DMD: variants seen among roughly 807,000 people sequenced by gnomAD.
The protein encoded by DMD is mutant dystrophin.
In DMD, 63 loss-of-function variants were observed where a neutral mutation model predicts 330.1. The observed-to-expected ratio is 0.19, with a 90% confidence interval of 0.16 to 0.24. The LOEUF is 0.24. Ranked by LOEUF, DMD falls within the 10% of genes least tolerant of loss-of-function variation. The pLI, the probability that DMD is intolerant of heterozygous loss-of-function variation, is 1.00. For synonymous variants in DMD, 1,223 were observed against 959.8 expected, an observed-to-expected ratio of 1.27 and a Z score of -5.07; for missense variants, 3,344 against 2,684.1, an observed-to-expected ratio of 1.25 and a Z score of -5.43.
chrX:32,147,568 A>G (rs2096783725), intron 44 of DMD, among the ~76,000 whole-genome samples: 1 of 111,982 alleles, frequency 8.9e-6, no homozygotes, highest in African/African-American at 3.2e-5. Flanking sequence ...TAGAAAAAAT[A>G]TGAAATCAAA....
intron 52 of DMD, among the ~76,000 whole-genome samples, chrX:31,688,643 A>G (rs1198365800): frequency 3.6e-5 from 4 of 111,741 alleles, no homozygotes; most frequent in South Asian, 3.8e-4. Flanking sequence ...TCCTGATACC[A>G]AAGCCTGGCA....
At chrX:33,180,632 T>C (rs1012372841) in intron 1 of DMD, among the ~76,000 whole-genome samples, 2 of 111,520 alleles carry the variant, frequency 1.8e-5, no homozygotes, top group African/African-American at 6.5e-5. Context: ...GGAGTGGGTG[T>C]CTGATGGAAC....
intron 13 of DMD, among the ~76,000 whole-genome samples, chrX:32,575,191 C>T (rs139635477): frequency 0.05 from 5,615 of 111,513 alleles, 154 homozygotes; most frequent in Middle Eastern, 0.11. Flanking sequence ...AGCCACTGCA[C>T]CTGGCCCTAA....
chrX:31,439,122 T>C (rs1484619072), intron 60 of DMD, among the ~76,000 whole-genome samples: 2 of 111,943 alleles, frequency 1.8e-5, no homozygotes, highest in Admixed American at 9.5e-5. Context: ...TAATAATGGG[T>C]ACTGCTTTTG....
chrX:31,997,156 C>T (rs1380440822), intron 44 of DMD, among the ~76,000 whole-genome samples: 4 of 111,795 alleles, frequency 3.6e-5, no homozygotes, highest in Admixed American at 9.5e-5. Context: ...ACAAGCCACT[C>T]TGTATACTGC....
At chrX:32,407,890 G>A (rs1298362063) in intron 30 of DMD, among the ~76,000 whole-genome samples, 6 of 100,822 alleles carry the variant, frequency 6.0e-5, no homozygotes, top group East Asian at 6.5e-4. Context: ...ACCAAACACC[G>A]CATGTTCTCA....
Position 32,448,470 on chromosome X carries a change from A to G in DMD, c.3772T>C (p.Cys1258Arg). Residue 1258 changes from cysteine (C) to arginine (R), a missense_variant, in exon 27 of 79, where the codon TGC (cysteine) becomes CGC (arginine). Coordinates refer to ENST00000357033, the MANE Select transcript of DMD (RefSeq NM_004006.3). ...AAGCAACTGACTTCCAAAGTCTTGC[A>G]TTTCCCATTCAGCCTAGTGCAGAGC... is the stretch of plus-strand genomic sequence containing the variant. ...QWLCTRLNGK[C>R]KTLEEVWACW... 1 of 1,208,441 alleles carries G rather than the reference A, an allele frequency of 8.3e-7. No individual in the cohort carries two copies.
At chrX:33,112,702 G>T (rs576329728) in intron 1 of DMD, among the ~76,000 whole-genome samples, 10 of 111,147 alleles carry the variant, frequency 9.0e-5, no homozygotes, top group African/African-American at 3.3e-4. Context: ...TACTAAAATT[G>T]TGGCTCTTCC....
intron 25 of DMD, among the ~76,000 whole-genome samples, chrX:32,460,991 G>C (rs1442377297): frequency 9.0e-6 from 1 of 111,399 alleles, no homozygotes; most frequent in East Asian, 2.8e-4. Flanking sequence ...CTAGAATCTA[G>C]ATTTTTAAAC....
At chrX:31,949,117 G>A (rs1309496387) in intron 45 of DMD, among the ~76,000 whole-genome samples, 1 of 110,767 alleles carries the variant, frequency 9.0e-6, no homozygotes, top group Non-Finnish European at 1.9e-5. Flanking sequence ...TGGTACATTT[G>A]AATTGCTATA....
intron 9 of DMD, among the ~76,000 whole-genome samples, chrX:32,668,246 A>G (rs2061433261): frequency 8.9e-6 from 1 of 112,139 alleles, no homozygotes; most frequent in African/African-American, 3.2e-5. Flanking sequence ...TGCTTATCAA[A>G]TCTTGTTATA....
intron 44 of DMD, among the ~76,000 whole-genome samples, chrX:32,199,576 G>A (rs997218267): frequency 1.1e-5 from 1 of 87,778 alleles, no homozygotes; most frequent in African/African-American, 4.1e-5. Flanking sequence ...GAAGGAGGAG[G>A]GGTGTGAGCA....
At chrX:32,827,066 C>G (rs1448100541) in intron 4 of DMD, among the ~76,000 whole-genome samples, 1 of 30,081 alleles carries the variant, frequency 3.3e-5, no homozygotes, top group Non-Finnish European at 6.4e-5. Flanking sequence ...ACCCCCCCCC[C>G]ACACACACAC....
rs761556534 is a variant in DMD at position 33,333,713 on chromosome X, G to GA, written c.7+5545dup. On this transcript the variant is annotated intron_variant, in intron 1 of 17. Transcript: ENST00000288447. ...TTGATTATAGTTTCTCCTATGACAT[G>GA]AAAAAAAATCCCTTCTCATATCCCT... Among the ~76,000 whole-genome samples, 8 of 110,348 alleles carry GA rather than the reference G, an allele frequency of 7.2e-5. No individual in the cohort carries two copies. The East Asian group carries it at 2.3e-3, about 31-fold the overall frequency.
At chrX:32,722,659 T>C (rs979824249) in intron 7 of DMD, among the ~76,000 whole-genome samples, 1 of 111,393 alleles carries the variant, frequency 9.0e-6, no homozygotes, top group Non-Finnish European at 1.9e-5. Flanking sequence ...GTTGTACGTA[T>C]TTTTCACTTT....
chrX:32,823,541 T>C (rs1289818223), intron 4 of DMD, among the ~76,000 whole-genome samples, 154 bp from the exon 5 acceptor site: 2 of 111,943 alleles, frequency 1.8e-5, no homozygotes, highest in Middle Eastern at 4.6e-3. Context: ...TTAAACAAAA[T>C]GCATGTGTAA....
chrX:32,833,551 T>C (rs1033280043), intron 4 of DMD, among the ~76,000 whole-genome samples: 115 of 109,668 alleles, frequency 1.0e-3, no homozygotes, highest in African/African-American at 3.7e-3. Context: ...GAAAGATATA[T>C]ATACTTTCAG....
intron 47 of DMD, among the ~76,000 whole-genome samples, chrX:31,911,259 G>A (rs1398223443): frequency 1.8e-5 from 2 of 111,943 alleles, no homozygotes; most frequent in Non-Finnish European, 3.8e-5. Flanking sequence ...TTTTATCACT[G>A]TTTGGAAAGT....
At chrX:31,897,018 C>A in intron 47 of DMD, among the ~76,000 whole-genome samples, 1 of 109,972 alleles carries the variant, frequency 9.1e-6, no homozygotes, top group Middle Eastern at 4.6e-3. Context: ...GCGCGCTGCA[C>A]CCACTAACTT....
Sources: allele counts gnomAD v4.1 joint callset (sites outside exome capture counted in the v4.1 genomes callset), GRCh38; gene constraint gnomAD v4.1.1; transcripts MANE v1.5; gene names NCBI Gene and HGNC (gene_info 2026-07-23, HGNC 2026-07-21).